NKAIN2: variants seen among roughly 807,000 people sequenced by gnomAD.
The protein encoded by NKAIN2 is sodium/potassium transporting ATPase interacting 2.
NKAIN2 carries 14 observed loss-of-function variants against 32.6 expected under a neutral mutation model. The observed-to-expected ratio is 0.43, with a 90% CI of 0.28 to 0.67. The LOEUF (loss-of-function observed/expected upper bound fraction) is 0.67, where lower values mean the gene tolerates loss of function less well. Among genes scored for constraint, NKAIN2 ranks in the 30% least tolerant of loss-of-function variants. The pLI is 0.17. For synonymous variants in NKAIN2, 80 were observed against 87.2 expected (o/e 0.92, Z 0.46); for missense variants, 198 against 258.3 (o/e 0.77, Z 1.60).
At chr6:124,049,961 TA>T (rs531642991) in intron 1 of NKAIN2, among the ~76,000 whole-genome samples, 9 of 151,784 alleles carry the variant, frequency 5.9e-5, no homozygotes, top group African/African-American at 2.2e-4. Context: ...CTTAATAAGT[TA>T]AAAAAAACAT....
chr6:124,342,036 T>C (rs1401847566), intron 2 of NKAIN2, among the ~76,000 whole-genome samples: 2 of 152,188 alleles, frequency 1.3e-5, no homozygotes, highest in East Asian at 3.9e-4. Flanking sequence ...TAATTAACTT[T>C]GTACAAACGG....
At chr6:124,210,196 A>T (rs1791098956) in intron 1 of NKAIN2, among the ~76,000 whole-genome samples, 1 of 151,676 alleles carries the variant, frequency 6.6e-6, no homozygotes, top group Non-Finnish European at 1.5e-5. Context: ...CACCATTTGG[A>T]CTGAAGAGAT....
At chr6:124,308,429 A>G (rs1305500090) in intron 2 of NKAIN2, among the ~76,000 whole-genome samples, 1 of 152,226 alleles carries the variant, frequency 6.6e-6, no homozygotes, top group Non-Finnish European at 1.5e-5. Flanking sequence ...TCTGCTAAAG[A>G]TAAGCCAAGT....
intron 3 of NKAIN2, among the ~76,000 whole-genome samples, chr6:124,473,257 A>G (rs886324161): frequency 2.0e-5 from 3 of 152,222 alleles, no homozygotes; most frequent in Admixed American, 6.6e-5. Flanking sequence ...TTGTAAGTCT[A>G]GGGCTTCATT....
chr6:123,884,384 A>G (rs887395916), intron 1 of NKAIN2, among the ~76,000 whole-genome samples: 1 of 152,216 alleles, frequency 6.6e-6, no homozygotes, highest in East Asian at 1.9e-4. Flanking sequence ...ACTAACACAC[A>G]CACATTTTTG....
intron 1 of NKAIN2, among the ~76,000 whole-genome samples, chr6:124,096,488 C>T (rs1193241668): frequency 1.3e-5 from 2 of 152,130 alleles, no homozygotes; most frequent in Non-Finnish European, 2.9e-5. Context: ...CAGCTTTGAC[C>T]ATGTTATTTC....
chr6:123,879,155 G>A (rs1773325115), intron 1 of NKAIN2, among the ~76,000 whole-genome samples: 1 of 152,122 alleles, frequency 6.6e-6, no homozygotes, highest in African/African-American at 2.4e-5. Flanking sequence ...ATGCTTCTTG[G>A]GAGCTGAGTC....
At chr6:124,465,295 T>C (rs1446933999) in intron 3 of NKAIN2, among the ~76,000 whole-genome samples, 3 of 152,202 alleles carry the variant, frequency 2.0e-5, no homozygotes, top group East Asian at 1.9e-4. Flanking sequence ...TGGAATACTA[T>C]GCAGCCATAA....
chr6:124,141,703 T>G (rs1019780093), intron 1 of NKAIN2, among the ~76,000 whole-genome samples: 6 of 152,144 alleles, frequency 3.9e-5, no homozygotes, highest in Admixed American at 3.9e-4. Flanking sequence ...CATTGCTGGC[T>G]TCTGCTGAGG....
chr6:124,537,492 T>A (rs896000473), intron 3 of NKAIN2, among the ~76,000 whole-genome samples: 19 of 152,362 alleles, frequency 1.2e-4, no homozygotes, highest in Non-Finnish European at 5.9e-5. Context: ...TTTAAAAGTA[T>A]ACATATTTAC....
intron 3 of NKAIN2, among the ~76,000 whole-genome samples, chr6:124,583,121 G>T (rs534082461): frequency 6.6e-6 from 1 of 150,472 alleles, no homozygotes; most frequent in Non-Finnish European, 1.5e-5. Context: ...CCTAACTAGA[G>T]AAATCAGACG....
At chr6:124,222,456 G>A (rs896938819) in intron 1 of NKAIN2, among the ~76,000 whole-genome samples, 1 of 152,176 alleles carries the variant, frequency 6.6e-6, no homozygotes, top group East Asian at 1.9e-4. Context: ...GCATTGGTAG[G>A]TTGGATGCAA....
chr6:124,135,444 A>C (rs1182347102), intron 1 of NKAIN2, among the ~76,000 whole-genome samples: 3 of 151,176 alleles, frequency 2.0e-5, no homozygotes, highest in Non-Finnish European at 4.4e-5. Context: ...TATTCCACGC[A>C]AATGAAAACC....
chr6:124,230,346 AG>A (rs1384044288), intron 1 of NKAIN2, among the ~76,000 whole-genome samples: 1 of 152,194 alleles, frequency 6.6e-6, no homozygotes, highest in Non-Finnish European at 1.5e-5. Flanking sequence ...AGGGAAACAG[AG>A]CATAAAAGTT....
chr6:124,099,289 A>C (rs907613052), intron 1 of NKAIN2, among the ~76,000 whole-genome samples: 4 of 152,178 alleles, frequency 2.6e-5, no homozygotes, highest in Admixed American at 6.5e-5. Flanking sequence ...CTGCCTTTTT[A>C]ATATGATGAT....
At chr6:124,582,368 C>G (rs921885372) in intron 3 of NKAIN2, among the ~76,000 whole-genome samples, 8 of 151,970 alleles carry the variant, frequency 5.3e-5, no homozygotes, top group Non-Finnish European at 1.2e-4. Context: ...TTAGAAGAAA[C>G]AGGTTAATTC....
chr6:124,136,400 A>G (rs1451624328), intron 1 of NKAIN2, among the ~76,000 whole-genome samples: 1 of 152,176 alleles, frequency 6.6e-6, no homozygotes, highest in East Asian at 1.9e-4. Context: ...CCAGGATCAG[A>G]TGGATTCACA....
At chr6:124,018,451 T>C (rs1030288148) in intron 1 of NKAIN2, among the ~76,000 whole-genome samples, 2 of 152,188 alleles carry the variant, frequency 1.3e-5, no homozygotes, top group Non-Finnish European at 2.9e-5. Context: ...TCCTATTGCA[T>C]CCTCAGGCTG....
At chr6:124,820,721 A>G (rs913836326) in intron 6 of NKAIN2, among the ~76,000 whole-genome samples, 1 of 152,168 alleles carries the variant, frequency 6.6e-6, no homozygotes, top group Non-Finnish European at 1.5e-5. Flanking sequence ...ATTACTGCCT[A>G]AGCTCTGCCT....
Sources: allele counts gnomAD v4.1 joint callset (sites outside exome capture counted in the v4.1 genomes callset), GRCh38; gene constraint gnomAD v4.1.1; transcripts MANE v1.5; gene names NCBI Gene and HGNC (gene_info 2026-07-23, HGNC 2026-07-21).